Variants in MGAM2 observed in about 807,000 individuals in gnomAD.
MGAM2 encodes the protein probable maltase-glucoamylase 2.
A neutral mutation model predicts 96.1 loss-of-function variants in MGAM2; 98 were observed. The ratio of observed to expected loss-of-function variants is 1.02; its 90% CI spans 0.87 to 1.21. The LOEUF is 1.21. Ranked by LOEUF, MGAM2 falls within the 50% of genes most tolerant of loss-of-function variation. The pLI, the probability that MGAM2 is intolerant of heterozygous loss-of-function variation, is 0.00. For missense variants in MGAM2, 2,055 were observed against 1,182.4 expected (o/e 1.74, Z -10.82); for synonymous variants, 749 against 414.8 (o/e 1.81, Z -9.79).
intron 10 of MGAM2, among the ~76,000 whole-genome samples, chr7:142,139,529 C>T (rs2129080001): frequency 6.6e-6 from 1 of 151,992 alleles, no homozygotes; most frequent in South Asian, 2.1e-4. Flanking sequence ...GGTGTGGTGG[C>T]ACATGCCTGT....
intron 33 of MGAM2, among the ~76,000 whole-genome samples, chr7:142,184,501 G>C (rs1442918852): frequency 6.6e-6 from 1 of 152,170 alleles, no homozygotes; most frequent in Admixed American, 6.5e-5. Flanking sequence ...AGTAAATACA[G>C]ATCCTGGAAG....
chr7:142,203,373 C>A (rs1281918149), intron 45 of MGAM2, among the ~76,000 whole-genome samples: 1 of 151,902 alleles, frequency 6.6e-6, no homozygotes. Context: ...AGAAATCAGA[C>A]AAGACACATA....
At chr7:142,149,765 T>C (rs1001723716) in intron 15 of MGAM2, among the ~76,000 whole-genome samples, 2 of 151,710 alleles carry the variant, frequency 1.3e-5, no homozygotes, top group African/African-American at 4.8e-5. Context: ...ATGGTCTCCA[T>C]CTCCTGACCT....
Position 142,167,502 on chromosome 7 carries a change from C to G in MGAM2, c.3027+16C>G. ...GCAGGTCAAGGTAAGGCCCATGTTG[C>G]AGATTCTGGTTCTCAAGATGGAGTT... On this transcript the variant is annotated intron_variant, in intron 26 of 47. Transcript: ENST00000477922. 1 of 702,954 alleles carries G rather than the reference C, an allele frequency of 1.4e-6. No individual in the cohort carries two copies. Among genetic ancestry groups the G allele is most frequent in the Non-Finnish European group, 2.6e-6 (1 of 384,950 alleles). 43.5% of individuals were successfully genotyped at this position (702,954 alleles called of 1,614,324 possible). A position where few individuals can be genotyped will look rare whatever the true frequency, so the allele number is the denominator to read the frequency against.
At chr7:142,219,763 A>G in intron 47 of MGAM2, 107 bp from the exon 48 acceptor site, 1 of 608,224 alleles carries the variant, frequency 1.6e-6, no homozygotes. Flanking sequence ...TATTACTGGA[A>G]AGGAATGAAT....
chr7:142,222,137 ACACT>A lies in MGAM2; in HGVS notation c.*80_*83del. On this transcript the variant is annotated 3_prime_UTR_variant, in exon 48 of 48. Transcript: ENST00000477922. ...ACAGATATAGAAAATCAGTTACGAG[ACACT>A]CTATCTATCTTATGCTACTTAAGTT... 5.0e-6 allele frequency: 2 copies of A among 397,008 alleles called. No homozygotes were observed. The highest frequency in any genetic ancestry group is 4.4e-6 in the Non-Finnish European group (1 of 225,178). 24.6% of individuals were successfully genotyped at this position (397,008 alleles called of 1,614,324 possible). A position where few individuals can be genotyped will look rare whatever the true frequency, so the allele number is the denominator to read the frequency against.
At chr7:142,112,214 C>G (rs73156608) in intron 1 of MGAM2, among the ~76,000 whole-genome samples, 1 of 152,162 alleles carries the variant, frequency 6.6e-6, no homozygotes, top group Non-Finnish European at 1.5e-5. Flanking sequence ...GGAAGGGTTT[C>G]TAAGTAGGCA....
chr7:142,176,190 A>G (rs945504009), intron 32 of MGAM2, among the ~76,000 whole-genome samples: 3 of 152,062 alleles, frequency 2.0e-5, no homozygotes, highest in Non-Finnish European at 2.9e-5. Flanking sequence ...AGGAGGTTCA[A>G]AAATCTCTTA....
At position 142,221,657 on chromosome 7, in the gene MGAM2, A is replaced by C; in HGVS notation, c.7146A>C (p.Thr2382=). The part of the protein sequence containing the change: ...TTVTSIDKFT[T]HITQFATPHS... ...TTACTTCCATAGACAAATTCACCAC[A>C]CACATCACACAGTTCGCTACTCCCC... The change falls in exon 48 of 48, where the codon ACA becomes ACC. Residue 2382 remains threonine, a synonymous_variant. Coordinates refer to ENST00000477922, the MANE Select transcript of MGAM2 (RefSeq NM_001293626.2). 2.2e-6 allele frequency: 1 copy of C among 451,310 alleles called. No homozygotes were observed. The highest frequency in any genetic ancestry group is 3.9e-6 in the Non-Finnish European group (1 of 257,578). 28.0% of individuals were successfully genotyped at this position (451,310 alleles called of 1,614,324 possible).
intron 5 of MGAM2, 99 bp downstream of exon 5, chr7:142,131,726 G>T: frequency 3.1e-6 from 2 of 643,294 alleles, no homozygotes; most frequent in Non-Finnish European, 5.6e-6. Flanking sequence ...CTCCCTCTCT[G>T]CAGGAATCTC....
At chr7:142,159,653 G>T (rs1431881146) in intron 20 of MGAM2, among the ~76,000 whole-genome samples, 2 of 152,096 alleles carry the variant, frequency 1.3e-5, no homozygotes, top group South Asian at 2.1e-4. Flanking sequence ...GCACCTCCTT[G>T]CTCCTCCCTC....
rs778452821 is a variant in MGAM2 at position 142,171,328 on chromosome 7, C to T, written c.3239C>T (p.Thr1080Met). Reference sequence around the variant, plus strand: ...AATGACATGTTTCTCTCCATTTCTACGCGTCTGCCGTCCCAGTACATCTAT... The same window carrying T: ...AATGACATGTTTCTCTCCATTTCTATGCGTCTGCCGTCCCAGTACATCTAT... ...IFNDMFLSIS[T>M]RLPSQYIYGF... is the part of the protein sequence containing the mutation. Residue 1080 changes from threonine (T) to methionine (M), a missense_variant, in exon 28 of 48, where the codon ACG (threonine) becomes ATG (methionine). By Grantham distance (81) the Thr-to-Met change is moderately conservative. Coordinates refer to ENST00000477922, the MANE Select transcript of MGAM2 (RefSeq NM_001293626.2). 145 of 702,924 alleles carry T rather than the reference C, an allele frequency of 2.1e-4. No homozygotes were observed. The highest frequency in any genetic ancestry group is 4.8e-4 in the East Asian group (18 of 37,246). The allele number at this position is 702,924 out of a possible 1,614,324, so 43.5% of individuals were successfully genotyped here.
intron 3 of MGAM2, among the ~76,000 whole-genome samples, chr7:142,124,352 G>T (rs1254830982): frequency 6.6e-6 from 1 of 151,866 alleles, no homozygotes; most frequent in Non-Finnish European, 1.5e-5. Context: ...CTGCATTTTA[G>T]TGACACCTTT....
intron 45 of MGAM2, among the ~76,000 whole-genome samples, chr7:142,207,410 A>T (rs1213113274): frequency 6.6e-6 from 1 of 151,514 alleles, no homozygotes; most frequent in Non-Finnish European, 1.5e-5. Flanking sequence ...ACATTTATTT[A>T]TTTATTTATT....
rs73545369 is a variant in MGAM2 at position 142,151,096 on chromosome 7, G to C, written c.1635-2922G>C. On this transcript the variant is annotated intron_variant, in intron 15 of 47. Transcript: ENST00000477922. ...GCAAAAAACATGGTATCAAATTTTA[G>C]ATGCTAATTTTCTCTCTGCTGGACT... Among the ~76,000 whole-genome samples, 863 of 152,214 alleles carry C rather than the reference G, an allele frequency of 5.7e-3. 8 individuals are homozygous for C. Among genetic ancestry groups the C allele is most frequent in the African/African-American group, 0.018 (761 of 41,512 alleles).
At chr7:142,210,901 C>CCACTG (rs1183138783) in intron 46 of MGAM2, among the ~76,000 whole-genome samples, 1 of 152,222 alleles carries the variant, frequency 6.6e-6, no homozygotes, top group Admixed American at 6.5e-5. Flanking sequence ...AGGGAGATAC[C>CCACTG]TCCCAGCAGG....
chr7:142,126,825 A>T (rs1224691124), intron 3 of MGAM2, among the ~76,000 whole-genome samples: 3 of 152,202 alleles, frequency 2.0e-5, no homozygotes, highest in Non-Finnish European at 2.9e-5. Context: ...GACTAATAAC[A>T]AAACTTATCC....
At position 142,196,694 on chromosome 7, in the gene MGAM2, T is replaced by C; in HGVS notation, c.4516-6T>C. Reference sequence around the variant, plus strand: ...CACCTCATGCTCTCATTATGCATCTTCTCAGACAGGAGCAGATATCTGTGG... The same window carrying C: ...CACCTCATGCTCTCATTATGCATCTCCTCAGACAGGAGCAGATATCTGTGG... On this transcript the variant is annotated splice_polypyrimidine_tract_variant and splice_region_variant and intron_variant, in intron 39 of 47. Transcript: ENST00000477922. 3.8e-6 allele frequency: 3 copies of C among 782,776 alleles called. No homozygotes were observed. Among genetic ancestry groups the C allele is most frequent in the Non-Finnish European group, 7.1e-6 (3 of 421,204 alleles). 48.5% of individuals were successfully genotyped at this position (782,776 alleles called of 1,614,324 possible).
Position 142,136,644 on chromosome 7 carries a change from G to A in MGAM2, c.847+4G>A, listed in dbSNP as rs999347672. ...CTGATGAACAGTAATGCCATGGGTA[G>A]GAAGCATCTTTTTATCTTCTGTAGG... On this transcript the variant is annotated splice_donor_region_variant and intron_variant, in intron 8 of 47. Coordinates refer to ENST00000477922, the MANE Select transcript of MGAM2 (RefSeq NM_001293626.2). 3 of 688,690 alleles carry A rather than the reference G, an allele frequency of 4.4e-6. No homozygotes were observed. The highest frequency in any genetic ancestry group is 7.9e-6 in the Non-Finnish European group (3 of 380,428). 42.7% of individuals were successfully genotyped at this position (688,690 alleles called of 1,614,324 possible). A position where few individuals can be genotyped will look rare whatever the true frequency, so the allele number is the denominator to read the frequency against.
Sources: gnomAD v4.1 joint callset for allele counts (sites outside exome capture counted in the v4.1 genomes callset) on GRCh38, gnomAD v4.1.1 for gene constraint, MANE v1.5 for transcripts, NCBI Gene and HGNC (gene_info 2026-07-23, HGNC 2026-07-21) for gene names.